The following NAALADL2 variants were observed in gnomAD, a reference collection of about 807,000 sequenced individuals.
NAALADL2 encodes inactive N-acetylated-alpha-linked acidic dipeptidase-like protein 2.
A neutral mutation model predicts 87.2 loss-of-function variants in NAALADL2; 76 were observed. That is an observed-to-expected ratio of 0.87 (90% CI 0.72 to 1.05). The LOEUF is 1.05. NAALADL2 is among the 50% of genes least tolerant of loss of function. NAALADL2 has a pLI of 0.00. For missense variants in NAALADL2, 1,089 were observed against 945.8 expected (o/e 1.15, Z -1.99); for synonymous variants, 354 against 331.0 (o/e 1.07, Z -0.75).
intron 1 of NAALADL2, among the ~76,000 whole-genome samples, chr3:175,004,107 A>G (rs1316891368): frequency 2.6e-5 from 4 of 152,134 alleles, no homozygotes; most frequent in Admixed American, 6.6e-5. Context: ...CAGGAATGGT[A>G]GCTAATGCCT....
At chr3:175,795,653 A>G (rs1753375751) in intron 13 of NAALADL2, among the ~76,000 whole-genome samples, 1 of 152,064 alleles carries the variant, frequency 6.6e-6, no homozygotes, top group Non-Finnish European at 1.5e-5. Context: ...ACTGCACTCC[A>G]GCCTGGGCAA....
chr3:175,652,856 G>A (rs1017325241), intron 11 of NAALADL2, among the ~76,000 whole-genome samples: 1 of 152,022 alleles, frequency 6.6e-6, no homozygotes, highest in Non-Finnish European at 1.5e-5. Context: ...CGGGGGTTAG[G>A]GGAACTGACT....
chr3:175,693,000 A>C (rs1451426204), intron 11 of NAALADL2, among the ~76,000 whole-genome samples: 1 of 152,222 alleles, frequency 6.6e-6, no homozygotes, highest in African/African-American at 2.4e-5. Context: ...TAAAGCTCAG[A>C]GTTTCAGTTT....
chr3:175,468,469 T>C (rs1481960841), intron 8 of NAALADL2, among the ~76,000 whole-genome samples: 1 of 152,122 alleles, frequency 6.6e-6, no homozygotes, highest in East Asian at 1.9e-4. Context: ...TTAGGGAATA[T>C]GTTTGTAATC....
chr3:174,751,611 C>T (rs1358455131), intron 3 of NAALADL2, among the ~76,000 whole-genome samples: 1 of 144,398 alleles, frequency 6.9e-6, no homozygotes, highest in Non-Finnish European at 1.5e-5. Flanking sequence ...TGCAGTGAGC[C>T]GAGATCGTGC....
rs921934780 is a variant in NAALADL2, at chr3:174,760,186, G to C, written c.-9+22440G>C. Among the ~76,000 whole-genome samples, 3 of 152,178 alleles carry C rather than the reference G, an allele frequency of 2.0e-5. No individual in the cohort carries two copies. The East Asian group carries it at 5.8e-4, about 29-fold the overall frequency. On this transcript the variant is annotated intron_variant, in intron 3 of 3. Transcript: ENST00000434257. ...AAAAACAGTGGAAGAGCCACAGTAG[G>C]TACCCATAGGCCTAGTCATTCAGGT... is the stretch of plus-strand genomic sequence containing the variant.
chr3:175,443,475 G>A (rs912405584), intron 5 of NAALADL2, among the ~76,000 whole-genome samples: 7 of 152,124 alleles, frequency 4.6e-5, no homozygotes, highest in African/African-American at 1.2e-4. Context: ...GATAATCAGC[G>A]AATTGATAGG....
intron 1 of NAALADL2, among the ~76,000 whole-genome samples, chr3:175,058,368 C>A (rs562540253): frequency 6.6e-6 from 1 of 152,236 alleles, no homozygotes; most frequent in South Asian, 2.1e-4. Context: ...TGGTTATTCA[C>A]ACATAGCTAG....
chr3:175,404,343 T>G (rs1711899992), intron 5 of NAALADL2, among the ~76,000 whole-genome samples: 1 of 152,112 alleles, frequency 6.6e-6, no homozygotes. Flanking sequence ...ACCTATGATT[T>G]TCTGCCTACA....
chr3:174,650,287 A>G (rs1489932745), intron 2 of NAALADL2, among the ~76,000 whole-genome samples: 2 of 152,112 alleles, frequency 1.3e-5, no homozygotes, highest in African/African-American at 4.8e-5. Flanking sequence ...TCTCAAATAC[A>G]ATTCATCAAA....
chr3:175,733,967 C>G (rs896302500), intron 11 of NAALADL2, among the ~76,000 whole-genome samples: 1 of 152,208 alleles, frequency 6.6e-6, no homozygotes, highest in African/African-American at 2.4e-5. Context: ...CAGCTCTGCC[C>G]ATGTGGCTTT....
chr3:174,922,723 G>T (rs1735420481), intron 1 of NAALADL2, among the ~76,000 whole-genome samples: 1 of 151,906 alleles, frequency 6.6e-6, no homozygotes, highest in Non-Finnish European at 1.5e-5. Flanking sequence ...CCTCAATTTG[G>T]GTTTGTTGAA....
At chr3:175,374,873 CAAATAAAT>C (rs35005055) in intron 5 of NAALADL2, among the ~76,000 whole-genome samples, 4,717 of 147,078 alleles carry the variant, frequency 0.032, 102 homozygotes, top group African/African-American at 0.066. Flanking sequence ...GACCCTGTCG[CAAATAAAT>C]AAATAAATAA....
At chr3:174,840,078 A>G (rs1723844124) in intron 3 of NAALADL2, among the ~76,000 whole-genome samples, 1 of 151,890 alleles carries the variant, frequency 6.6e-6, no homozygotes, top group Non-Finnish European at 1.5e-5. Flanking sequence ...ACAATTCGTA[A>G]TTACAAAAAT....
At chr3:175,239,202 C>T (rs201432523) in intron 3 of NAALADL2, among the ~76,000 whole-genome samples, 2 of 152,088 alleles carry the variant, frequency 1.3e-5, no homozygotes, top group Non-Finnish European at 2.9e-5. Context: ...TAAAAGGGTC[C>T]TAAGGAGAGT....
chr3:174,832,810 G>T (rs1722887133), intron 3 of NAALADL2, among the ~76,000 whole-genome samples: 2 of 152,144 alleles, frequency 1.3e-5, no homozygotes, highest in Admixed American at 1.3e-4. Context: ...TTAGAGAAAT[G>T]AACTAATTTG....
chr3:174,658,531 C>A (rs1339863511), intron 2 of NAALADL2, among the ~76,000 whole-genome samples: 2 of 151,922 alleles, frequency 1.3e-5, no homozygotes, highest in Admixed American at 6.6e-5. Context: ...CCAGACATGT[C>A]TTTTTGCAAT....
At chr3:174,549,223 A>G (rs1193476167) in intron 1 of NAALADL2, among the ~76,000 whole-genome samples, 1 of 152,264 alleles carries the variant, frequency 6.6e-6, no homozygotes, top group Non-Finnish European at 1.5e-5. Flanking sequence ...ACATGTTTTT[A>G]AAACATTTGT....
chr3:175,747,376 C>T (rs1746059149), intron 12 of NAALADL2, among the ~76,000 whole-genome samples: 1 of 152,182 alleles, frequency 6.6e-6, no homozygotes. Context: ...TGATTGAAAT[C>T]TGTGAGTGAC....
Sources: gnomAD v4.1 joint callset for allele counts (sites outside exome capture counted in the v4.1 genomes callset) on GRCh38, gnomAD v4.1.1 for gene constraint, MANE v1.5 for transcripts, NCBI Gene and HGNC (gene_info 2026-07-23, HGNC 2026-07-21) for gene names.